DENND5A: variants seen among roughly 807,000 people sequenced by gnomAD.
DENND5A encodes DENN domain-containing protein 5A.
Under a neutral mutation model 140.3 loss-of-function variants are expected in DENND5A, and 64 were observed. The observed-to-expected ratio is 0.46, with a 90% CI of 0.37 to 0.56. The LOEUF (loss-of-function observed/expected upper bound fraction) is 0.56. Ranked by LOEUF, DENND5A falls within the 20% of genes least tolerant of loss-of-function variation. The pLI, the probability that DENND5A is intolerant of heterozygous loss-of-function variation, is 0.00. For missense variants in DENND5A, 1,292 were observed against 1,593.8 expected, an observed-to-expected ratio of 0.81 and a Z score of 3.22; for synonymous variants, 605 against 607.7, an observed-to-expected ratio of 1.00 and a Z score of 0.07.
chr11:9,236,925 T>C (rs1305369805), intron 1 of DENND5A, among the ~76,000 whole-genome samples: 1 of 152,104 alleles, frequency 6.6e-6, no homozygotes, highest in African/African-American at 2.4e-5. Flanking sequence ...CTGTTTTTAA[T>C]GCACAGAAAT....
intron 4 of DENND5A, among the ~76,000 whole-genome samples, chr11:9,194,880 TG>T (rs1409366063): frequency 2.7e-5 from 4 of 148,930 alleles, no homozygotes; most frequent in African/African-American, 9.9e-5. Context: ...CCACCGCACC[TG>T]GCTAATTTTG....
At position 9,169,906 on chromosome 11, in the gene DENND5A, G is replaced by T. The variant is rs758183835; in HGVS notation, c.2101C>A (p.Arg701=). The change falls in exon 10 of 23, where the codon CGG becomes AGG. Residue 701 remains arginine, a synonymous_variant. Transcript: ENST00000328194. ...AGGTGTTCTGTGTGCTGCTTCTGCC[G>T]ATCTTTCCGCCTCCACTGGGCAGGG... ...NAPAQWRRKD[R]QKQHTEHLRL... 1 of 1,613,692 alleles carries T rather than the reference G, an allele frequency of 6.2e-7. No homozygotes were observed. The highest frequency in any genetic ancestry group is 1.3e-5 in the African/African-American group (1 of 75,004).
At chr11:9,207,725 T>G (rs1849740508) in intron 1 of DENND5A, 93 bp from the exon 2 acceptor site, 1 of 925,270 alleles carries the variant, frequency 1.1e-6, no homozygotes, top group Non-Finnish European at 1.7e-6. Flanking sequence ...CATTTTACAT[T>G]ATGAAACAAT....
At chr11:9,248,431 C>G (rs1851571246) in intron 1 of DENND5A, among the ~76,000 whole-genome samples, 2 of 151,748 alleles carry the variant, frequency 1.3e-5, no homozygotes, top group Non-Finnish European at 1.5e-5. Context: ...TAGGAGGATC[C>G]CTTGAGCCCA....
At chr11:9,167,923 T>C (rs573221166) in intron 10 of DENND5A, among the ~76,000 whole-genome samples, 14 of 152,370 alleles carry the variant, frequency 9.2e-5, no homozygotes, top group African/African-American at 3.1e-4. Flanking sequence ...CTCTGCTTTC[T>C]CTAATCAGTA....
At chr11:9,232,728 C>T (rs1313114912) in intron 1 of DENND5A, among the ~76,000 whole-genome samples, 1 of 152,088 alleles carries the variant, frequency 6.6e-6, no homozygotes, top group East Asian at 1.9e-4. Flanking sequence ...AGCATATACC[C>T]AACAGACCAA....
intron 1 of DENND5A, among the ~76,000 whole-genome samples, chr11:9,228,109 T>TAAAAAAAAAAAAAAAA: frequency 4.6e-5 from 1 of 21,714 alleles, no homozygotes; most frequent in African/African-American, 3.1e-4. Flanking sequence ...AGACTCCATC[T>TAAAAAAAAAAAAAAAA]CAAAAAAAAA....
At chr11:9,195,219 T>C (rs2136198482) in intron 4 of DENND5A, among the ~76,000 whole-genome samples, 1 of 152,008 alleles carries the variant, frequency 6.6e-6, no homozygotes, top group Non-Finnish European at 1.5e-5. Flanking sequence ...TAGCTGGGAT[T>C]ACAGGCATGC....
rs577181038 is a variant in DENND5A, at chr11:9,235,879, T to C, written c.110-28247A>G. 2.0e-5 allele frequency among the ~76,000 whole-genome samples: 3 copies of C among 152,164 alleles called. No homozygotes were observed. In the South Asian group the frequency reaches 6.2e-4, roughly 32 times the overall value. ...GCATTTTCTTTTGAGGAGATGAAAA[T>C]GTTCTGAAACTACATGATGCTGATG... On this transcript the variant is annotated intron_variant, in intron 1 of 22. Coordinates refer to ENST00000328194, the MANE Select transcript of DENND5A (RefSeq NM_015213.4).
intron 22 of DENND5A, chr11:9,140,299 A>G: frequency 1.9e-6 from 2 of 1,043,456 alleles, no homozygotes; most frequent in African/African-American, 1.6e-5. Context: ...AGATGAAGAA[A>G]GTAGGGTAGA....
intron 4 of DENND5A, among the ~76,000 whole-genome samples, chr11:9,198,818 C>G (rs7394454): frequency 1.3e-5 from 2 of 151,146 alleles, no homozygotes; most frequent in African/African-American, 4.9e-5. Context: ...TGCCTGTAAT[C>G]CCAGCACTTT....
At chr11:9,239,533 T>C (rs952745233) in intron 1 of DENND5A, among the ~76,000 whole-genome samples, 1 of 149,796 alleles carries the variant, frequency 6.7e-6, no homozygotes, top group African/African-American at 2.5e-5. Context: ...GGTCTTGCTA[T>C]GTTGCCCAGG....
At position 9,178,384 on chromosome 11, in the gene DENND5A, A is replaced by C. The variant is rs375469671; in HGVS notation, c.1672-18T>G. On this transcript the variant is annotated intron_variant, in intron 7 of 22. Coordinates refer to ENST00000328194, the MANE Select transcript of DENND5A (RefSeq NM_015213.4). ...AAAGATGCCTGGTGGGACCAAAAAG[A>C]AGCAGTAATTGACAGGGAAAAGGGT... 43 of 1,506,522 alleles carry C rather than the reference A, an allele frequency of 2.9e-5. No homozygotes were observed. The highest frequency in any genetic ancestry group is 1.9e-4 in the Middle Eastern group (1 of 5,388). The allele number at this position is 1,506,522 out of a possible 1,614,324, so 93.3% of individuals were successfully genotyped here. A position where few individuals can be genotyped will look rare whatever the true frequency, so the allele number is the denominator to read the frequency against.
intron 1 of DENND5A, among the ~76,000 whole-genome samples, chr11:9,235,838 CTG>C: frequency 6.6e-6 from 1 of 152,238 alleles, no homozygotes; most frequent in Middle Eastern, 3.4e-3. Flanking sequence ...TGAGAAGTAA[CTG>C]TTTAATGAGT....
chr11:9,141,753 C>T (rs934243113), intron 22 of DENND5A, among the ~76,000 whole-genome samples, 187 bp downstream of exon 22: 3 of 152,212 alleles, frequency 2.0e-5, no homozygotes, highest in Non-Finnish European at 4.4e-5. Context: ...TGTTACGCAG[C>T]ACATTTTATG....
At chr11:9,189,241 G>C (rs1324656714) in intron 5 of DENND5A, among the ~76,000 whole-genome samples, 1 of 152,212 alleles carries the variant, frequency 6.6e-6, no homozygotes, top group Non-Finnish European at 1.5e-5. Context: ...TCAAGAATTG[G>C]GGTTTGGGAA....
Position 9,159,728 on chromosome 11 carries a change from G to A in DENND5A, c.2436+985C>T, listed in dbSNP as rs559531361. 6.6e-5 allele frequency among the ~76,000 whole-genome samples: 10 copies of A among 152,254 alleles called. No individual in the cohort carries two copies. The South Asian group carries it at 1.9e-3, about 28-fold the overall frequency. On this transcript the variant is annotated intron_variant, in intron 12 of 22. Transcript: ENST00000328194. ...TCATATAAGAACTGTTTAACATTTTGAGGAACTGCCAGACTGTTTTCCAAA... is the reference window on the plus strand; with the variant it reads ...TCATATAAGAACTGTTTAACATTTTAAGGAACTGCCAGACTGTTTTCCAAA...
intron 1 of DENND5A, among the ~76,000 whole-genome samples, chr11:9,232,466 A>G (rs1850813087): frequency 6.6e-6 from 1 of 152,204 alleles, no homozygotes; most frequent in Non-Finnish European, 1.5e-5. Context: ...TGCCTAATAA[A>G]CTTTTGAGAG....
At chr11:9,178,048 A>G in intron 8 of DENND5A, 84 bp downstream of exon 8, 1 of 955,266 alleles carries the variant, frequency 1.0e-6, no homozygotes, top group Admixed American at 1.8e-5. Flanking sequence ...AGAAACAGAT[A>G]AAGAGGCTGG....
Sources: gnomAD v4.1 joint callset for allele counts (sites outside exome capture counted in the v4.1 genomes callset) on GRCh38, gnomAD v4.1.1 for gene constraint, MANE v1.5 for transcripts, NCBI Gene and HGNC (gene_info 2026-07-23, HGNC 2026-07-21) for gene names.